ANO7: variants seen among roughly 807,000 people sequenced by gnomAD.
The protein encoded by ANO7 is anoctamin-7.
ANO7 carries 114 observed loss-of-function variants against 115.8 expected under a neutral mutation model. That is an observed-to-expected ratio of 0.98 (90% confidence interval 0.85 to 1.15). The LOEUF is 1.15. Among genes scored for constraint, ANO7 ranks in the 50% most tolerant of loss-of-function variants. ANO7 has a pLI of 0.00. For missense variants in ANO7, 1,302 were observed against 1,201.2 expected (o/e 1.08, Z -1.24); for synonymous variants, 550 against 498.2 (o/e 1.10, Z -1.38).
chr2:241,196,658 T>C (rs1268003913), intron 4 of ANO7, among the ~76,000 whole-genome samples: 2 of 152,142 alleles, frequency 1.3e-5, no homozygotes, highest in East Asian at 3.9e-4. Flanking sequence ...TCATGCGGGG[T>C]CATTCCTGCG....
chr2:241,199,098 G>C, intron 4 of ANO7: 2 of 535,114 alleles, frequency 3.7e-6, no homozygotes, highest in Non-Finnish European at 3.4e-6. Flanking sequence ...CAAATCTGTT[G>C]CTGGGGCCGA....
At chr2:241,210,666 C>T (rs1056869813) in intron 15 of ANO7, 96 bp downstream of exon 15, 48 of 1,000,780 alleles carry the variant, frequency 4.8e-5, no homozygotes, top group Non-Finnish European at 7.5e-5. Context: ...ACACATGGCC[C>T]TCATTTCTAT....
At chr2:241,232,180 A>G in the ANO7 span, among the ~76,000 whole-genome samples, 2 of 152,196 alleles carry the variant, frequency 1.3e-5, no homozygotes, top group East Asian at 1.9e-4. Context: ...TCGGAAGCAC[A>G]GCTCACAGGA....
Position 241,199,340 on chromosome 2 carries a change from A to G in ANO7, c.334A>G (p.Thr112Ala). The change falls in exon 5 of 25, where the codon ACA (threonine) becomes GCA (alanine). Residue 112 changes from threonine to alanine, a missense_variant. By Grantham distance (58) the Thr-to-Ala change is moderately conservative. Coordinates refer to ENST00000674324, the MANE Select transcript of ANO7 (RefSeq NM_001370694.2). Reference protein sequence around the residue: ...DQQDVQDGNTTVHYALLSASW... With the variant: ...DQQDVQDGNTAVHYALLSASW... ...GCAGGACGTCCAGGACGGGAACACCACAGTGCACTACGCCCTCCTCAGCGC... is the reference window on the plus strand; with the variant it reads ...GCAGGACGTCCAGGACGGGAACACCGCAGTGCACTACGCCCTCCTCAGCGC... 6.2e-7 allele frequency: 1 copy of G among 1,613,684 alleles called. No individual in the cohort carries two copies. The highest frequency in any genetic ancestry group is 8.5e-7 in the Non-Finnish European group (1 of 1,180,000).
At chr2:241,207,720 AG>A (rs904280280) in intron 11 of ANO7, 50 bp downstream of exon 11, 1 of 1,551,732 alleles carries the variant, frequency 6.4e-7, no homozygotes, top group African/African-American at 1.4e-5. Flanking sequence ...GGGGATGAGG[AG>A]GGCAGCTCCC....
downstream of ANO7, chr2:241,229,504 T>G: frequency 3.4e-6 from 3 of 880,356 alleles, no homozygotes; most frequent in Non-Finnish European, 3.6e-6. Flanking sequence ...GCGTCAACAA[T>G]TTACGGAGGG....
intron 21 of ANO7, among the ~76,000 whole-genome samples, chr2:241,222,770 TGCTGGACAG>T (rs2069056119): frequency 6.6e-6 from 1 of 152,166 alleles, no homozygotes; most frequent in South Asian, 2.1e-4. Flanking sequence ...GGGAGGGCTC[TGCTGGACAG>T]GGACAGTCTC....
chr2:241,236,863 TG>T, the ANO7 span: 1 of 1,349,406 alleles, frequency 7.4e-7, no homozygotes, highest in Non-Finnish European at 1.0e-6. Flanking sequence ...ACCTGCTGGG[TG>T]CTGGGTGGTA....
At position 241,204,958 on chromosome 2, in the gene ANO7, G is replaced by A. The variant is rs1316616491; in HGVS notation, c.980+3G>A. ...CTGGTGTTCTCAGACATACCCACGT[G>A]AGTGTTCCCTCTCCGCAGCTCTGGG... On this transcript the variant is annotated splice_donor_region_variant and intron_variant, in intron 10 of 24. Coordinates refer to ENST00000674324, the MANE Select transcript of ANO7 (RefSeq NM_001370694.2). 1.2e-6 allele frequency: 2 copies of A among 1,613,660 alleles called. No homozygotes were observed. The highest frequency in any genetic ancestry group is 2.7e-5 in the African/African-American group (2 of 74,930).
rs148348281 is a variant in ANO7, at chr2:241,199,322, G to T, written c.316G>T (p.Val106Phe). The change falls in exon 5 of 25, where the codon GTC (valine) becomes TTC (phenylalanine). Residue 106 changes from valine (V) to phenylalanine (F), a missense_variant. Physicochemically the swap from Val to Phe is conservative, Grantham distance 50. Transcript: ENST00000674324. ...AAGLCVDQQDVQDGNTTVHYA... is the reference protein window; with the variant it reads ...AAGLCVDQQDFQDGNTTVHYA... ...GAGCCCTGGGTGCCTACAGCAGGAC[G>T]TCCAGGACGGGAACACCACAGTGCA... 6.2e-7 allele frequency: 1 copy of T among 1,613,520 alleles called. No individual in the cohort carries two copies. Among genetic ancestry groups the T allele is most frequent in the South Asian group, 1.1e-5 (1 of 91,084 alleles).
intron 3 of ANO7, among the ~76,000 whole-genome samples, chr2:241,194,857 G>T (rs186709923): frequency 2.0e-5 from 3 of 152,132 alleles, no homozygotes; most frequent in African/African-American, 4.8e-5. Context: ...GGCATCCACC[G>T]GGTTCTTGGA....
rs376343869 is a variant in ANO7, at chr2:241,212,213, G to A, written c.1673+8G>A. 1,094 of 1,605,816 alleles carry A rather than the reference G, an allele frequency of 6.8e-4. 1 individual carries two copies. The highest frequency in any genetic ancestry group is 8.7e-4 in the Non-Finnish European group (1,016 of 1,172,608). ...TGCCTTCTTCAAGGGCAGGTTGGTGGGCACCTCTCCCTCTGGCCACAGCTT... is the reference window on the plus strand; with the variant it reads ...TGCCTTCTTCAAGGGCAGGTTGGTGAGCACCTCTCCCTCTGGCCACAGCTT... On this transcript the variant is annotated splice_region_variant and intron_variant, in intron 16 of 24. Transcript: ENST00000674324.
chr2:241,236,368 C>T, the ANO7 span: 1 of 540,464 alleles, frequency 1.9e-6, no homozygotes, highest in South Asian at 2.2e-5. Context: ...GCCTGAGAGG[C>T]CGGATCCCAT....
intron 3 of ANO7, among the ~76,000 whole-genome samples, chr2:241,191,776 TAA>T (rs1183784114): frequency 3.4e-5 from 5 of 145,954 alleles, no homozygotes; most frequent in Non-Finnish European, 7.5e-5. Context: ...GGCTACTACT[TAA>T]AAAAAATCAC....
Position 241,188,763 on chromosome 2 carries a change from C to T in ANO7, c.-11C>T. 6.2e-7 allele frequency: 1 copy of T among 1,612,530 alleles called. No individual in the cohort carries two copies. Among genetic ancestry groups the T allele is most frequent in the Non-Finnish European group, 8.5e-7 (1 of 1,179,400 alleles). ...GAGACCTCTTCCGGAAGCCACTGTGCCAGGTGGGGACCCAGCCTAGACGTG... is the reference window on the plus strand; with the variant it reads ...GAGACCTCTTCCGGAAGCCACTGTGTCAGGTGGGGACCCAGCCTAGACGTG... On this transcript the variant is annotated 5_prime_UTR_variant, in exon 1 of 25. Transcript: ENST00000674324. This position sits in a 1 kb window ranked among gnomAD's most constrained non-coding sequence, Gnocchi z 4.3.
At chr2:241,230,017 G>A (rs568277243), downstream of ANO7, 31 of 1,572,256 alleles carry the variant, frequency 2.0e-5, no homozygotes, top group South Asian at 9.5e-5. The surrounding 1 kb of genome is among the most constrained non-coding windows in gnomAD (Gnocchi z 5.0). Flanking sequence ...CCAGCATCCC[G>A]CCCGCCTGCT....
intron 11 of ANO7, among the ~76,000 whole-genome samples, chr2:241,208,800 G>A (rs899258241): frequency 3.9e-5 from 6 of 152,164 alleles, no homozygotes; most frequent in Non-Finnish European, 8.8e-5. Flanking sequence ...GTGAGACCTG[G>A]GTGTGAGCCG....
rs1439885902 is a variant in ANO7, at chr2:241,217,819, C to G, written c.2106C>G (p.Ala702=). 1.9e-6 allele frequency: 3 copies of G among 1,609,878 alleles called. No homozygotes were observed. The highest frequency in any genetic ancestry group is 2.5e-6 in the Non-Finnish European group (3 of 1,178,958). Reference sequence around the variant, plus strand: ...TCTGCGAGTACCGGCGCCCGGTGGCCGAGCGCGCCCAGGACATCGGCATCT... The same window carrying G: ...TCTGCGAGTACCGGCGCCCGGTGGCGGAGCGCGCCCAGGACATCGGCATCT... ...KFVCEYRRPV[A]ERAQDIGIWF... is the part of the protein sequence containing the mutation. Residue 702 remains alanine (A), a synonymous_variant, in exon 20 of 25, where the codon GCC becomes GCG. Coordinates refer to ENST00000674324, the MANE Select transcript of ANO7 (RefSeq NM_001370694.2).
At chr2:241,231,251 G>T in the ANO7 span, 16 of 252,810 alleles carry the variant, frequency 6.3e-5, no homozygotes, top group Admixed American at 1.5e-4. Context: ...GGGCGTGGTG[G>T]TGCACGCCTG....
Sources: allele counts gnomAD v4.1 joint callset (sites outside exome capture counted in the v4.1 genomes callset), GRCh38; gene constraint gnomAD v4.1.1; non-coding constraint Gnocchi (gnomAD v3.1); transcripts MANE v1.5; gene names NCBI Gene and HGNC (gene_info 2026-07-23, HGNC 2026-07-21).